ABCD2: variants seen among roughly 807,000 people sequenced by gnomAD.
ABCD2 encodes the protein ATP binding cassette subfamily D member 2.
ABCD2 carries 36 observed loss-of-function variants against 70.9 expected under a neutral mutation model. The ratio of observed to expected loss-of-function variants is 0.51; its 90% CI spans 0.39 to 0.67. ABCD2 has a LOEUF of 0.67. Among genes scored for constraint, ABCD2 ranks in the 30% least tolerant of loss-of-function variants. The pLI is 0.00. For missense variants in ABCD2, 729 were observed against 890.2 expected (o/e 0.82, Z 2.30); for synonymous variants, 304 against 306.9 (o/e 0.99, Z 0.10).
At chr12:39,601,519 G>T (rs1048904672) in intron 5 of ABCD2, among the ~76,000 whole-genome samples, 1 of 151,836 alleles carries the variant, frequency 6.6e-6, no homozygotes, top group Non-Finnish European at 1.5e-5. Context: ...CCACACAATA[G>T]GATGAAGAAG....
chr12:39,559,522 A>G (rs1013835964), intron 9 of ABCD2, among the ~76,000 whole-genome samples: 2 of 152,126 alleles, frequency 1.3e-5, no homozygotes, highest in African/African-American at 4.8e-5. Context: ...CTATCTAGGT[A>G]CAGGAAGGTC....
chr12:39,613,990 C>A (rs1942081779), intron 2 of ABCD2, among the ~76,000 whole-genome samples: 1 of 152,134 alleles, frequency 6.6e-6, no homozygotes, highest in South Asian at 2.1e-4. Flanking sequence ...CACTTTTGAA[C>A]GTGCTCCTTT....
intron 2 of ABCD2, among the ~76,000 whole-genome samples, chr12:39,612,904 C>G (rs149692547): frequency 1.6e-3 from 241 of 152,272 alleles, no homozygotes; most frequent in African/African-American, 5.6e-3. Context: ...TGATATCCTG[C>G]TTCACACTCA....
chr12:39,558,099 G>T (rs1363718756), intron 9 of ABCD2, among the ~76,000 whole-genome samples: 1 of 152,214 alleles, frequency 6.6e-6, no homozygotes, highest in Admixed American at 6.5e-5. Flanking sequence ...CAAAGCTACA[G>T]GGGTGAGCAG....
chr12:39,532,503 G>T, the ABCD2 span, among the ~76,000 whole-genome samples: 1 of 152,158 alleles, frequency 6.6e-6, no homozygotes, highest in South Asian at 2.1e-4. Flanking sequence ...TGGCACTCAT[G>T]CATTACTGTA....
Position 39,619,786 on chromosome 12 carries a change from TCA to T in ABCD2, c.-173_-172del. On this transcript the variant is annotated 5_prime_UTR_variant, in exon 1 of 10. It removes the in-frame stop codon of an upstream open reading frame in the 5' UTR. Transcript: ENST00000308666. ...TCTGCTGTGACAGATGCAGCAGAGC[TCA>T]GACTCCGCTGCATCTACCGGGAATG... 1 of 617,736 alleles carries T rather than the reference TCA, an allele frequency of 1.6e-6. No homozygotes were observed. Among genetic ancestry groups the T allele is most frequent in the Middle Eastern group, 4.3e-4 (1 of 2,330 alleles). The allele number at this position is 617,736 out of a possible 1,614,324, so 38.3% of individuals were successfully genotyped here. A position where few individuals can be genotyped will look rare whatever the true frequency, so the allele number is the denominator to read the frequency against.
rs201470474 is a variant in ABCD2 at position 39,615,060 on chromosome 12, A to G, written c.1120+1928T>C. ...GGTATTTTCAGGATTTGTGGGATTT[A>G]TTTTTAAATATATTATTACATCTTG... is the stretch of plus-strand genomic sequence containing the variant. On this transcript the variant is annotated intron_variant, in intron 2 of 9. Transcript: ENST00000308666. 4.6e-3 allele frequency among the ~76,000 whole-genome samples: 546 copies of G among 117,836 alleles called. 3 individuals are homozygous for G. Among genetic ancestry groups the G allele is most frequent in the African/African-American group, 0.016 (519 of 32,214 alleles). 77.3% of individuals were successfully genotyped at this position (117,836 alleles called of 152,430 possible).
At chr12:39,549,825 A>G (rs1340589415), downstream of ABCD2, among the ~76,000 whole-genome samples, 2 of 151,926 alleles carry the variant, frequency 1.3e-5, no homozygotes, top group South Asian at 2.1e-4. Context: ...TGGGTATTGT[A>G]TGAGGTTGGA....
chr12:39,614,575 A>G (rs1017948817), intron 2 of ABCD2, among the ~76,000 whole-genome samples: 1 of 151,038 alleles, frequency 6.6e-6, no homozygotes. Context: ...CTTAAAATAT[A>G]TAAAGCATCA....
intron 9 of ABCD2, among the ~76,000 whole-genome samples, chr12:39,572,741 T>C (rs185179534): frequency 4.9e-4 from 75 of 152,278 alleles, no homozygotes; most frequent in African/African-American, 1.8e-3. Context: ...ATGACAACTT[T>C]GGCATGAAAT....
At chr12:39,544,606 G>C in the ABCD2 span, among the ~76,000 whole-genome samples, 2 of 152,164 alleles carry the variant, frequency 1.3e-5, no homozygotes, top group Admixed American at 6.5e-5. Context: ...CTCTTTCACT[G>C]TCTCCGTCAT....
chr12:39,550,757 A>G lies in ABCD2; in HGVS notation c.*3155T>C, dbSNP rs890857849. 5 of 151,872 alleles carry G rather than the reference A, an allele frequency of 3.3e-5. No homozygotes were observed. The highest frequency in any genetic ancestry group is 1.2e-4 in the African/African-American group (5 of 41,558). The allele number at this position is 151,872 out of a possible 1,614,324, so 9.4% of individuals were successfully genotyped here. A position where few individuals can be genotyped will look rare whatever the true frequency, so the allele number is the denominator to read the frequency against. ...TTTTGCCCATAAAGTAATTATATCA[A>G]AGTCATCTTTTTAAATCAATGATTT... On this transcript the variant is annotated 3_prime_UTR_variant, in exon 10 of 10. Transcript: ENST00000308666.
chr12:39,596,056 T>C (rs1313335214), intron 6 of ABCD2, among the ~76,000 whole-genome samples: 1 of 152,182 alleles, frequency 6.6e-6, no homozygotes, highest in Non-Finnish European at 1.5e-5. Flanking sequence ...GTCTAAGAAA[T>C]GCTTTCTTTT....
chr12:39,580,526 C>G lies in ABCD2; in HGVS notation c.1793-907G>C, dbSNP rs113944180. Among the ~76,000 whole-genome samples the G allele has an allele frequency of 2.0e-3, 310 of 152,234 alleles. 3 individuals carry two copies. Among genetic ancestry groups the G allele is most frequent in the African/African-American group, 6.7e-3 (279 of 41,542 alleles). ...TCTGTAAATAAACACTACACATATACTTCCAAGAACAGAATTAGATTCATT... is the reference window on the plus strand; with the variant it reads ...TCTGTAAATAAACACTACACATATAGTTCCAAGAACAGAATTAGATTCATT... On this transcript the variant is annotated intron_variant, in intron 7 of 9. Coordinates refer to ENST00000308666, the MANE Select transcript of ABCD2 (RefSeq NM_005164.4).
intron 6 of ABCD2, among the ~76,000 whole-genome samples, chr12:39,597,555 CTT>C (rs376869772): frequency 2.8e-4 from 43 of 152,150 alleles, no homozygotes; most frequent in African/African-American, 9.9e-4. Flanking sequence ...AAATGAAAGA[CTT>C]TTCCTGAGGT....
At position 39,554,083 on chromosome 12, in the gene ABCD2, G is replaced by T. The variant is rs59009731; in HGVS notation, c.2052C>A (p.Arg684=). Residue 684 remains arginine (R), a synonymous_variant, in exon 10 of 10, where the codon CGC becomes CGA. Coordinates refer to ENST00000308666, the MANE Select transcript of ABCD2 (RefSeq NM_005164.4). The part of the protein sequence containing the change: ...LLQFDGEGGW[R]FEQLDTAIRL... The stretch of plus-strand genomic sequence containing the variant: ...GGATAGCAGTATCCAATTGTTCAAA[G>T]CGCCAACCTCCTTCACCATCAAACT... 2.5e-6 allele frequency: 4 copies of T among 1,613,580 alleles called. No homozygotes were observed. The highest frequency in any genetic ancestry group is 3.4e-6 in the Non-Finnish European group (4 of 1,179,792).
At chr12:39,575,691 A>T (rs1941506985) in intron 8 of ABCD2, among the ~76,000 whole-genome samples, 1 of 152,240 alleles carries the variant, frequency 6.6e-6, no homozygotes. Context: ...GAATGAGGGA[A>T]GGCAGTTTCC....
chr12:39,570,481 T>C (rs1485921976), intron 9 of ABCD2, among the ~76,000 whole-genome samples: 1 of 152,176 alleles, frequency 6.6e-6, no homozygotes. Flanking sequence ...AACACACTAT[T>C]GGGAAAGGGC....
chr12:39,544,227 G>A, the ABCD2 span, among the ~76,000 whole-genome samples: 3 of 152,158 alleles, frequency 2.0e-5, no homozygotes, highest in Non-Finnish European at 4.4e-5. Flanking sequence ...CAGTTCCTGG[G>A]TGGGGGCCAC....
Sources: gnomAD v4.1 joint callset for allele counts (sites outside exome capture counted in the v4.1 genomes callset) on GRCh38, gnomAD v4.1.1 for gene constraint, MANE v1.5 for transcripts, NCBI Gene and HGNC (gene_info 2026-07-23, HGNC 2026-07-21) for gene names.